The following FSHR variants were observed in gnomAD, a reference collection of about 807,000 sequenced individuals.
FSHR encodes follicle-stimulating hormone receptor.
In FSHR, 46 loss-of-function variants were observed where a neutral mutation model predicts 52.1. The ratio of observed to expected loss-of-function variants is 0.88; its 90% CI spans 0.70 to 1.13. The LOEUF (loss-of-function observed/expected upper bound fraction) is 1.13. FSHR is among the 50% of genes most tolerant of loss of function. The probability of loss-of-function intolerance (pLI) is 0.00; values close to 1 mark genes in which losing one functional copy is unlikely to be tolerated. For synonymous variants in FSHR, 399 were observed against 309.6 expected, an observed-to-expected ratio of 1.29 and a Z score of -3.03; for missense variants, 964 against 834.6, an observed-to-expected ratio of 1.16 and a Z score of -1.91.
At chr2:49,054,303 C>A (rs537777457) in intron 2 of FSHR, among the ~76,000 whole-genome samples, 22 of 152,204 alleles carry the variant, frequency 1.4e-4, no homozygotes, top group Non-Finnish European at 2.8e-4. Flanking sequence ...AAATAGCCCA[C>A]AGGTTGCTGC....
At chr2:49,000,689 C>G (rs1666841656) in intron 4 of FSHR, among the ~76,000 whole-genome samples, 1 of 152,130 alleles carries the variant, frequency 6.6e-6, no homozygotes, top group Non-Finnish European at 1.5e-5. Flanking sequence ...TTTTCCCTTC[C>G]TATTCCTGTA....
intron 4 of FSHR, among the ~76,000 whole-genome samples, chr2:49,002,210 C>T (rs1922470): frequency 0.66 from 101,064 of 151,992 alleles, 35,142 homozygotes; most frequent in East Asian, 0.78. Flanking sequence ...TACTCATGCC[C>T]GTATCACCCA....
At chr2:49,149,325 C>T (rs578180511) in intron 1 of FSHR, among the ~76,000 whole-genome samples, 1 of 151,980 alleles carries the variant, frequency 6.6e-6, no homozygotes, top group Non-Finnish European at 1.5e-5. Context: ...TTCATGAGAA[C>T]ACAGCACACT....
rs967249837 is a variant in FSHR, at chr2:49,154,208, T to C, written c.152+58A>G. 1.2e-5 allele frequency: 19 copies of C among 1,532,478 alleles called. No individual in the cohort carries two copies. The Admixed American group carries it at 3.2e-4, about 26-fold the overall frequency. 94.9% of individuals were successfully genotyped at this position (1,532,478 alleles called of 1,614,324 possible). On this transcript the variant is annotated intron_variant, in intron 1 of 9. Transcript: ENST00000406846. ...TATCAGCCTAATGTAAAAATAATAATAGTACGCAATGCACAAATGCCAGCC... is the reference window on the plus strand; with the variant it reads ...TATCAGCCTAATGTAAAAATAATAACAGTACGCAATGCACAAATGCCAGCC...
At chr2:48,998,467 C>T (rs1277849609) in intron 4 of FSHR, among the ~76,000 whole-genome samples, 1 of 152,010 alleles carries the variant, frequency 6.6e-6, no homozygotes, top group African/African-American at 2.4e-5. Flanking sequence ...TGAATGCTTT[C>T]ATTAAAAGTA....
At chr2:49,087,070 GTTTTTTTTTTT>G (rs56890721) in intron 1 of FSHR, among the ~76,000 whole-genome samples, 3 of 86,728 alleles carry the variant, frequency 3.5e-5, no homozygotes, top group South Asian at 5.3e-4. Context: ...TGTGGGCAGG[GTTTTTTTTTTT>G]TTTTTTTTTT....
intron 1 of FSHR, among the ~76,000 whole-genome samples, chr2:49,084,826 C>T (rs1204639290): frequency 6.6e-6 from 1 of 152,124 alleles, no homozygotes; most frequent in East Asian, 1.9e-4. Flanking sequence ...AGACCAATAA[C>T]AGGATCTGAA....
At chr2:49,013,127 C>G (rs988164840) in intron 4 of FSHR, among the ~76,000 whole-genome samples, 1 of 151,188 alleles carries the variant, frequency 6.6e-6, no homozygotes, top group South Asian at 2.1e-4. Context: ...ATCTTCCCCC[C>G]CCACCCCCAC....
intron 1 of FSHR, among the ~76,000 whole-genome samples, chr2:49,134,288 T>C (rs1305453511): frequency 6.6e-6 from 1 of 152,208 alleles, no homozygotes; most frequent in Non-Finnish European, 1.5e-5. Flanking sequence ...AGAAGACATT[T>C]ATGCAGCCAA....
chr2:49,049,651 A>G (rs929607220), intron 2 of FSHR, among the ~76,000 whole-genome samples: 3 of 151,908 alleles, frequency 2.0e-5, no homozygotes, highest in African/African-American at 7.3e-5. Flanking sequence ...TTCTTACTGT[A>G]TTTTCTTCGT....
intron 1 of FSHR, among the ~76,000 whole-genome samples, chr2:49,079,420 A>G (rs75471626): frequency 0.022 from 3,289 of 152,246 alleles, 48 homozygotes; most frequent in Non-Finnish European, 0.031. Context: ...TGGAAGAGCA[A>G]GTTTTAAAGA....
intron 1 of FSHR, among the ~76,000 whole-genome samples, chr2:49,099,440 T>C (rs1202588975): frequency 6.6e-6 from 1 of 152,140 alleles, no homozygotes; most frequent in East Asian, 1.9e-4. Flanking sequence ...TCTTTTTCTT[T>C]ATAAATTACC....
chr2:49,007,878 T>A (rs907731918), intron 4 of FSHR, among the ~76,000 whole-genome samples: 1 of 152,058 alleles, frequency 6.6e-6, no homozygotes, highest in African/African-American at 2.4e-5. Flanking sequence ...AATTTTATCT[T>A]TTCCTTTTTT....
intron 2 of FSHR, among the ~76,000 whole-genome samples, chr2:49,023,927 A>G (rs1470322067): frequency 6.6e-6 from 1 of 152,098 alleles, no homozygotes; most frequent in Non-Finnish European, 1.5e-5. Context: ...ATATACAAGT[A>G]CATTTGATGG....
At chr2:49,052,582 G>T (rs1176532765) in intron 2 of FSHR, among the ~76,000 whole-genome samples, 1 of 152,192 alleles carries the variant, frequency 6.6e-6, no homozygotes, top group Non-Finnish European at 1.5e-5. Context: ...ATTCTAAAGT[G>T]CAGTCTAAGA....
intron 1 of FSHR, among the ~76,000 whole-genome samples, chr2:49,087,869 C>T (rs1670458865): frequency 6.6e-6 from 1 of 152,126 alleles, no homozygotes. Context: ...TCCTTCTCTA[C>T]CAATTTTAAT....
intron 2 of FSHR, among the ~76,000 whole-genome samples, chr2:49,066,277 C>T (rs992443267): frequency 6.6e-6 from 1 of 151,918 alleles, no homozygotes; most frequent in Non-Finnish European, 1.5e-5. Flanking sequence ...ATGAAAAGGA[C>T]TTTGTGATTT....
At position 48,963,227 on chromosome 2, in the gene FSHR, T is replaced by A. The variant is rs1674312613; in HGVS notation, c.1594A>T (p.Met532Leu). 5.0e-6 allele frequency: 8 copies of A among 1,614,110 alleles called. No individual in the cohort carries two copies. Among genetic ancestry groups the A allele is most frequent in the Non-Finnish European group, 6.8e-6 (8 of 1,180,022 alleles). ...IDSPLSQLYV[M>L]SLLVLNVLAF... Reference sequence around the variant, plus strand: ...AGGACATTGAGCACAAGGAGGGACATGACATACAGCTGTGACAAAGGGCTG... The same window carrying A: ...AGGACATTGAGCACAAGGAGGGACAAGACATACAGCTGTGACAAAGGGCTG... The change falls in exon 10 of 10, where the codon ATG becomes TTG. Residue 532 changes from methionine (M) to leucine (L), a missense_variant. By Grantham distance (15) the Met-to-Leu change is conservative. Transcript: ENST00000406846.
chr2:49,063,459 A>G (rs1055967985), intron 2 of FSHR, among the ~76,000 whole-genome samples: 1 of 152,100 alleles, frequency 6.6e-6, no homozygotes, highest in Non-Finnish European at 1.5e-5. Context: ...TGTATGTGAC[A>G]CACACTCACA....
Sources: allele counts gnomAD v4.1 joint callset (sites outside exome capture counted in the v4.1 genomes callset), GRCh38; gene constraint gnomAD v4.1.1; transcripts MANE v1.5; gene names NCBI Gene and HGNC (gene_info 2026-07-23, HGNC 2026-07-21).